NXPE2: variants seen among roughly 807,000 people sequenced by gnomAD.
NXPE2 encodes the protein neurexophilin and PC-esterase domain family member 2, also known as NXPE family member 2.
A neutral mutation model predicts 34.4 loss-of-function variants in NXPE2; 34 were observed. The ratio of observed to expected loss-of-function variants is 0.99; its 90% CI spans 0.75 to 1.31. The LOEUF is 1.31. NXPE2 is among the 40% of genes most tolerant of loss of function. NXPE2 has a pLI of 0.00. For missense variants in NXPE2, 649 were observed against 672.5 expected (o/e 0.97, Z 0.39); for synonymous variants, 235 against 231.3 (o/e 1.02, Z -0.15).
At chr11:114,602,853 A>G in the NXPE2 span, among the ~76,000 whole-genome samples, 1 of 147,454 alleles carries the variant, frequency 6.8e-6, no homozygotes, top group Non-Finnish European at 1.5e-5. Flanking sequence ...AGAATCACAT[A>G]TAATTATCTC....
At chr11:114,533,667 C>CTAG in the NXPE2 span, among the ~76,000 whole-genome samples, 1 of 152,248 alleles carries the variant, frequency 6.6e-6, no homozygotes, top group Non-Finnish European at 1.5e-5. Context: ...GGGTCCTACG[C>CTAG]CCACGGAGCC....
At chr11:114,531,479 A>G in the NXPE2 span, among the ~76,000 whole-genome samples, 1 of 151,956 alleles carries the variant, frequency 6.6e-6, no homozygotes, top group African/African-American at 2.4e-5. Context: ...TCTCCATTTA[A>G]TTTCCTCTTC....
At chr11:114,516,555 G>C in the NXPE2 span, among the ~76,000 whole-genome samples, 9 of 152,262 alleles carry the variant, frequency 5.9e-5, no homozygotes, top group Non-Finnish European at 1.0e-4. Flanking sequence ...TATTGCATAA[G>C]TGGAGAAAGC....
At chr11:114,636,455 T>C in the NXPE2 span, among the ~76,000 whole-genome samples, 1 of 152,066 alleles carries the variant, frequency 6.6e-6, no homozygotes, top group Non-Finnish European at 1.5e-5. Flanking sequence ...TTTGTGTCTC[T>C]ATTTCCTTCA....
At chr11:114,565,589 A>G in the NXPE2 span, among the ~76,000 whole-genome samples, 1 of 152,198 alleles carries the variant, frequency 6.6e-6, no homozygotes, top group Non-Finnish European at 1.5e-5. Flanking sequence ...CATGAAAAGG[A>G]AACAGTGAAG....
chr11:114,717,316 T>C, the NXPE2 span, among the ~76,000 whole-genome samples: 1 of 152,206 alleles, frequency 6.6e-6, no homozygotes, highest in Non-Finnish European at 1.5e-5. Context: ...ATTTGTAGCA[T>C]CTGCCAGTTT....
At chr11:114,472,847 A>C in the NXPE2 span, among the ~76,000 whole-genome samples, 1 of 152,186 alleles carries the variant, frequency 6.6e-6, no homozygotes, top group Non-Finnish European at 1.5e-5. Context: ...TCATGATGTC[A>C]TCCTATCATA....
chr11:114,600,524 ATTTT>A, the NXPE2 span, among the ~76,000 whole-genome samples: 1 of 152,092 alleles, frequency 6.6e-6, no homozygotes, highest in African/African-American at 2.4e-5. Flanking sequence ...TTATGAGAAA[ATTTT>A]GCATAGAAAA....
At chr11:114,809,256 G>A in the NXPE2 span, among the ~76,000 whole-genome samples, 3 of 151,804 alleles carry the variant, frequency 2.0e-5, no homozygotes, top group Non-Finnish European at 2.9e-5. Flanking sequence ...GGGCAAAAAC[G>A]GGAAGCATTC....
chr11:114,481,521 T>G, the NXPE2 span, among the ~76,000 whole-genome samples: 1 of 152,134 alleles, frequency 6.6e-6, no homozygotes, highest in South Asian at 2.1e-4. Flanking sequence ...AGTGAAATTT[T>G]AAAAATAAGA....
the NXPE2 span, among the ~76,000 whole-genome samples, chr11:114,472,654 T>G: frequency 1.3e-5 from 2 of 152,126 alleles, no homozygotes; most frequent in African/African-American, 4.8e-5. Flanking sequence ...GCTGTCAGAC[T>G]TGGTGTCTGG....
At chr11:114,628,204 C>T in the NXPE2 span, among the ~76,000 whole-genome samples, 1 of 144,348 alleles carries the variant, frequency 6.9e-6, no homozygotes, top group Admixed American at 7.0e-5. Flanking sequence ...CACCCCAAAT[C>T]AACAGAATAT....
chr11:114,733,357 T>G, the NXPE2 span, among the ~76,000 whole-genome samples: 3 of 152,194 alleles, frequency 2.0e-5, no homozygotes, highest in East Asian at 5.8e-4. Context: ...CCTCCCAAAG[T>G]GCTGGGATTA....
chr11:114,483,324 C>T, the NXPE2 span, among the ~76,000 whole-genome samples: 831 of 152,310 alleles, frequency 5.5e-3, 16 homozygotes, highest in African/African-American at 0.019. Context: ...GGTAGTATTA[C>T]ATAGTGGTTA....
the NXPE2 span, among the ~76,000 whole-genome samples, chr11:114,631,297 G>T: frequency 1.4e-4 from 22 of 151,746 alleles, no homozygotes; most frequent in Non-Finnish European, 3.1e-4. Context: ...TGATAGACTG[G>T]ATTAAGAAAA....
the NXPE2 span, among the ~76,000 whole-genome samples, chr11:114,608,952 C>A: frequency 2.7e-5 from 4 of 149,658 alleles, no homozygotes; most frequent in African/African-American, 9.9e-5. Flanking sequence ...CCACTGTTAC[C>A]CTGTGGAAAA....
chr11:114,601,399 G>A, the NXPE2 span, among the ~76,000 whole-genome samples: 6 of 139,986 alleles, frequency 4.3e-5, no homozygotes, highest in African/African-American at 1.6e-4. Context: ...AGTTCCATCC[G>A]TGTTGCTGCA....
the NXPE2 span, among the ~76,000 whole-genome samples, chr11:114,657,108 A>G: frequency 1.3e-4 from 20 of 152,118 alleles, no homozygotes; most frequent in African/African-American, 3.6e-4. Context: ...ACAAACAAAC[A>G]AACACCAAAT....
chr11:114,783,609 A>AGATTTTCTTTC, the NXPE2 span, among the ~76,000 whole-genome samples: 1 of 152,208 alleles, frequency 6.6e-6, no homozygotes, highest in African/African-American at 2.4e-5. Flanking sequence ...AAGACTGTTT[A>AGATTTTCTTTC]GATTTTCTTT....
Sources: gnomAD v4.1 joint callset for allele counts (sites outside exome capture counted in the v4.1 genomes callset) on GRCh38, gnomAD v4.1.1 for gene constraint, MANE v1.5 for transcripts, NCBI Gene and HGNC (gene_info 2026-07-23, HGNC 2026-07-21) for gene names.